FAM133B: variants seen among roughly 807,000 people sequenced by gnomAD.
FAM133B encodes the protein family with sequence similarity 133 member B, also known as protein FAM133B.
FAM133B carries 25 observed loss-of-function variants against 46.4 expected under a neutral mutation model. The ratio of observed to expected loss-of-function variants is 0.54; its 90% CI spans 0.39 to 0.75. The LOEUF (loss-of-function observed/expected upper bound fraction) is 0.75, where lower values mean the gene tolerates loss of function less well. Among genes scored for constraint, FAM133B ranks in the 30% least tolerant of loss-of-function variants. The pLI is 0.00. For missense variants in FAM133B, 205 were observed against 277.6 expected (o/e 0.74, Z 1.86); for synonymous variants, 75 against 86.0 (o/e 0.87, Z 0.71).
At chr7:92,568,524 A>ATT (rs745580425) in intron 9 of FAM133B, among the ~76,000 whole-genome samples, 2,611 of 118,140 alleles carry the variant, frequency 0.022, 115 homozygotes, top group African/African-American at 0.078. Context: ...CGCCTGGCTA[A>ATT]TTTTTTTTTT....
At chr7:92,577,336 C>T in intron 6 of FAM133B, 141 bp from the exon 7 acceptor site, 1 of 506,624 alleles carries the variant, frequency 2.0e-6, no homozygotes, top group Non-Finnish European at 3.4e-6. Context: ...CTTAATACAT[C>T]ACTTTCCTGT....
chr7:92,590,105 C>A (rs1186407892), intron 1 of FAM133B, 163 bp downstream of exon 1: 2 of 986,656 alleles, frequency 2.0e-6, no homozygotes, highest in Non-Finnish European at 3.0e-6. Context: ...CAACTGCGTG[C>A]GCGGCGCACG....
intron 9 of FAM133B, among the ~76,000 whole-genome samples, chr7:92,566,962 G>A (rs865957724): frequency 1.3e-5 from 2 of 152,318 alleles, no homozygotes; most frequent in African/African-American, 4.8e-5. Context: ...TGTGATCCCA[G>A]CGCTTTGATA....
intron 8 of FAM133B, among the ~76,000 whole-genome samples, chr7:92,571,601 G>A (rs1325225288): frequency 6.6e-6 from 1 of 152,108 alleles, no homozygotes; most frequent in Non-Finnish European, 1.5e-5. Flanking sequence ...TCTCTGAGCT[G>A]TCTGGGATGT....
chr7:92,566,560 T>G (rs1318348670), intron 9 of FAM133B, among the ~76,000 whole-genome samples: 1 of 152,172 alleles, frequency 6.6e-6, no homozygotes, highest in Non-Finnish European at 1.5e-5. Context: ...GAGGATCACT[T>G]GAGCCCAGGA....
At chr7:92,581,826 G>A (rs1455440988) in intron 1 of FAM133B, 3 of 399,650 alleles carry the variant, frequency 7.5e-6, no homozygotes, top group South Asian at 6.2e-5. Context: ...GTGTGTGTGT[G>A]TGTGTGTTTT....
At position 92,562,151 on chromosome 7, in the gene FAM133B, C is replaced by T; in HGVS notation, c.*131G>A. On this transcript the variant is annotated 3_prime_UTR_variant, in exon 11 of 11. Transcript: ENST00000445716. ...TCACACAGTGGCATCTGAGTGGCTACTGAATAGTCCAGGAATAATTCCAAA... is the reference window on the plus strand; with the variant it reads ...TCACACAGTGGCATCTGAGTGGCTATTGAATAGTCCAGGAATAATTCCAAA... The T allele has an allele frequency of 8.9e-7, 1 of 1,126,016 alleles. No individual in the cohort carries two copies. Among genetic ancestry groups the T allele is most frequent in the East Asian group, 2.7e-5 (1 of 36,970 alleles). The allele number at this position is 1,126,016 out of a possible 1,614,324, so 69.8% of individuals were successfully genotyped here.
intron 8 of FAM133B, among the ~76,000 whole-genome samples, chr7:92,570,192 G>A (rs907619314): frequency 1.3e-5 from 2 of 152,038 alleles, no homozygotes; most frequent in African/African-American, 4.8e-5. Flanking sequence ...TATGAAATAT[G>A]CAGATAATGT....
At chr7:92,566,741 C>A (rs1794361687) in intron 9 of FAM133B, among the ~76,000 whole-genome samples, 1 of 152,198 alleles carries the variant, frequency 6.6e-6, no homozygotes, top group African/African-American at 2.4e-5. Flanking sequence ...AATATCCACC[C>A]TCAAGGGGAA....
At chr7:92,564,477 G>A (rs1794264439) in intron 10 of FAM133B, among the ~76,000 whole-genome samples, 1 of 152,060 alleles carries the variant, frequency 6.6e-6, no homozygotes, top group African/African-American at 2.4e-5. Flanking sequence ...TAATTAATCC[G>A]AACCACAGAC....
rs766269776 is a variant in FAM133B, at chr7:92,577,664, A to C, written c.363T>G (p.Ser121=). ...TATAAGCAAACCTTACCTCATCTTC[A>C]GAATCAGAAGAACTGCTGGAAGAAT... ...SSDSSSSSSD[S]EDEDKKQGKR... The change falls in exon 6 of 11, where the codon TCT becomes TCG. Residue 121 remains serine (S), a synonymous_variant. Coordinates refer to ENST00000445716, the MANE Select transcript of FAM133B (RefSeq NM_152789.4). 1.3e-6 allele frequency: 2 copies of C among 1,581,830 alleles called. No individual in the cohort carries two copies. Among genetic ancestry groups the C allele is most frequent in the South Asian group, 2.3e-5 (2 of 85,868 alleles).
At chr7:92,567,688 A>G (rs1794397883) in intron 9 of FAM133B, among the ~76,000 whole-genome samples, 1 of 152,220 alleles carries the variant, frequency 6.6e-6, no homozygotes, top group Non-Finnish European at 1.5e-5. Context: ...CATGTCCTGA[A>G]CAGCCCTGTA....
intron 9 of FAM133B, among the ~76,000 whole-genome samples, chr7:92,568,034 G>A (rs890486111): frequency 1.3e-5 from 2 of 152,052 alleles, no homozygotes; most frequent in African/African-American, 4.8e-5. Flanking sequence ...AAAGTGCTGG[G>A]ATACAGGCGT....
chr7:92,579,508 T>C (rs993722485), intron 2 of FAM133B, 113 bp from the exon 3 acceptor site: 1 of 692,480 alleles, frequency 1.4e-6, no homozygotes, highest in Non-Finnish European at 2.4e-6. Flanking sequence ...TAGACTTCTA[T>C]TCAATGTTGG....
intron 1 of FAM133B, among the ~76,000 whole-genome samples, chr7:92,582,025 G>C (rs1181186904): frequency 6.6e-6 from 1 of 152,092 alleles, no homozygotes; most frequent in East Asian, 1.9e-4. Flanking sequence ...GAGGCAGGTG[G>C]AACACCTGAA....
chr7:92,571,714 G>A (rs759797798), intron 8 of FAM133B, among the ~76,000 whole-genome samples: 1 of 152,148 alleles, frequency 6.6e-6, no homozygotes, highest in Non-Finnish European at 1.5e-5. Flanking sequence ...ACAGATTCTC[G>A]AATTTTCACC....
chr7:92,590,323 A>G lies in FAM133B; in HGVS notation c.-32T>C. The G allele has an allele frequency of 6.2e-7, 1 of 1,613,540 alleles. No individual in the cohort carries two copies. On this transcript the variant is annotated 5_prime_UTR_variant, in exon 1 of 11. Coordinates refer to ENST00000445716, the MANE Select transcript of FAM133B (RefSeq NM_152789.4). ...GGATCGAGCGCACAGTAGCACGCCG[A>G]GGGAAACCGGGCCGGAGAGACTGCC...
intron 3 of FAM133B, 140 bp downstream of exon 3, chr7:92,579,177 G>GAC: frequency 3.1e-6 from 2 of 654,202 alleles, no homozygotes; most frequent in South Asian, 3.6e-5. Context: ...GGGCGGCGGG[G>GAC]GGGGGCCTTA....
chr7:92,588,672 T>C (rs997779122), intron 1 of FAM133B, among the ~76,000 whole-genome samples: 2 of 152,152 alleles, frequency 1.3e-5, no homozygotes, highest in Non-Finnish European at 2.9e-5. Flanking sequence ...TAATCCCCAA[T>C]GTTGGAGGTG....
Sources: allele counts gnomAD v4.1 joint callset (sites outside exome capture counted in the v4.1 genomes callset), GRCh38; gene constraint gnomAD v4.1.1; transcripts MANE v1.5; gene names NCBI Gene and HGNC (gene_info 2026-07-23, HGNC 2026-07-21).